The following UNC5D variants were observed in gnomAD, a reference collection of about 807,000 sequenced individuals.
UNC5D encodes netrin receptor UNC5D.
UNC5D carries 39 observed loss-of-function variants against 105.4 expected under a neutral mutation model. That is an observed-to-expected ratio of 0.37 (90% CI 0.29 to 0.48). UNC5D has a LOEUF of 0.48. Among genes scored for constraint, UNC5D ranks in the 20% least tolerant of loss-of-function variants. The pLI is 0.98. For missense variants in UNC5D, 991 were observed against 1,202.4 expected (o/e 0.82, Z 2.60); for synonymous variants, 452 against 450.4 (o/e 1.00, Z -0.04).
intron 1 of UNC5D, among the ~76,000 whole-genome samples, chr8:35,238,628 CTTG>C (rs753380495): frequency 1.3e-5 from 2 of 152,056 alleles, no homozygotes; most frequent in African/African-American, 2.4e-5. Context: ...TGTTCATCTG[CTTG>C]TTATTTTTGC....
intron 1 of UNC5D, among the ~76,000 whole-genome samples, chr8:35,506,236 T>C (rs1812297707): frequency 6.6e-6 from 1 of 152,210 alleles, no homozygotes; most frequent in Non-Finnish European, 1.5e-5. Context: ...ATAGCTGCGG[T>C]AGCTTCTGCC....
chr8:35,646,337 G>C (rs1823049683), intron 4 of UNC5D, among the ~76,000 whole-genome samples: 1 of 152,072 alleles, frequency 6.6e-6, no homozygotes, highest in Non-Finnish European at 1.5e-5. Flanking sequence ...ACTCAAGAAA[G>C]ACGTTTATGG....
Position 35,684,755 on chromosome 8 carries a change from A to AT in UNC5D, c.919+7dup. 6.2e-7 allele frequency: 1 copy of AT among 1,604,474 alleles called. No individual in the cohort carries two copies. The highest frequency in any genetic ancestry group is 8.5e-7 in the Non-Finnish European group (1 of 1,175,184). ...CTGCACTTCTCTTTGTCCTGGTGAG[A>AT]TATATGCAGATTCCCTTTTCCCTTC... is the stretch of plus-strand genomic sequence containing the variant. On this transcript the variant is annotated splice_region_variant and intron_variant, in intron 6 of 16. Coordinates refer to ENST00000404895, the MANE Select transcript of UNC5D (RefSeq NM_080872.4).
At chr8:35,592,770 C>G (rs937916620) in intron 3 of UNC5D, among the ~76,000 whole-genome samples, 1 of 152,060 alleles carries the variant, frequency 6.6e-6, no homozygotes, top group Non-Finnish European at 1.5e-5. Context: ...CGGCCTGTTA[C>G]CACTGTTGGA....
intron 3 of UNC5D, among the ~76,000 whole-genome samples, chr8:35,583,767 G>A (rs757134352): frequency 6.6e-6 from 1 of 152,172 alleles, no homozygotes; most frequent in Non-Finnish European, 1.5e-5. Flanking sequence ...GTTGAAGATT[G>A]TTAATATCTC....
intron 1 of UNC5D, among the ~76,000 whole-genome samples, chr8:35,412,234 T>C (rs553359251): frequency 1.3e-5 from 2 of 152,152 alleles, no homozygotes; most frequent in East Asian, 1.9e-4. Context: ...GAACCCTCCA[T>C]TGGGCACCAG....
At chr8:35,601,034 C>G (rs1203486036) in intron 4 of UNC5D, among the ~76,000 whole-genome samples, 1 of 152,072 alleles carries the variant, frequency 6.6e-6, no homozygotes, top group Non-Finnish European at 1.5e-5. Context: ...CCAGTTTTCC[C>G]AGCACCATTT....
At chr8:35,767,970 C>A (rs1801846172) in intron 15 of UNC5D, among the ~76,000 whole-genome samples, 1 of 150,648 alleles carries the variant, frequency 6.6e-6, no homozygotes, top group Non-Finnish European at 1.5e-5. Flanking sequence ...TGTAGGGAAA[C>A]ATACATTTTT....
chr8:35,357,535 G>A (rs1022330717), intron 1 of UNC5D, among the ~76,000 whole-genome samples: 8 of 152,102 alleles, frequency 5.3e-5, no homozygotes, highest in Admixed American at 4.6e-4. Context: ...CTAATTTTGT[G>A]CAGTCTCATT....
chr8:35,595,470 A>T, intron 3 of UNC5D, 84 bp from the exon 4 acceptor site: 1 of 1,136,020 alleles, frequency 8.8e-7, no homozygotes, highest in Non-Finnish European at 1.3e-6. Flanking sequence ...TTGTGATATT[A>T]AGCTCACTTT....
intron 1 of UNC5D, among the ~76,000 whole-genome samples, chr8:35,293,917 C>T (rs770948481): frequency 7.9e-5 from 12 of 152,094 alleles, no homozygotes; most frequent in Non-Finnish European, 1.2e-4. Context: ...TTTGGGAGTA[C>T]GTAGGCTACT....
chr8:35,494,867 T>C (rs1384516127), intron 1 of UNC5D, among the ~76,000 whole-genome samples: 1 of 152,218 alleles, frequency 6.6e-6, no homozygotes, highest in Non-Finnish European at 1.5e-5. Flanking sequence ...ATACTTTTGT[T>C]TTTTTAACTA....
rs1674792131 is a variant in UNC5D at position 35,323,079 on chromosome 8, A to G, written c.103+87192A>G. 2.0e-5 allele frequency among the ~76,000 whole-genome samples: 3 copies of G among 152,146 alleles called. No individual in the cohort carries two copies. The South Asian group carries it at 6.2e-4, about 32-fold the overall frequency. ...ATTGAGTCAGGCAATATTTAGGTGA[A>G]AAGGTAAACTAGTACACCTACCAGA... On this transcript the variant is annotated intron_variant, in intron 1 of 16. Coordinates refer to ENST00000404895, the MANE Select transcript of UNC5D (RefSeq NM_080872.4).
chr8:35,308,397 G>A (rs1040890258), intron 1 of UNC5D, among the ~76,000 whole-genome samples: 10 of 152,020 alleles, frequency 6.6e-5, no homozygotes, highest in African/African-American at 2.4e-4. Context: ...CATGACCACA[G>A]TCCTGGGTTA....
intron 13 of UNC5D, among the ~76,000 whole-genome samples, chr8:35,753,056 G>C (rs1159168664): frequency 6.6e-6 from 1 of 152,130 alleles, no homozygotes; most frequent in African/African-American, 2.4e-5. Flanking sequence ...GTGACTTTCA[G>C]ATCATCTATT....
rs550612845 is a variant in UNC5D at position 35,504,221 on chromosome 8, A to G, written c.104-45071A>G. ...ATGGCACCAGCTGGATACCTGGGTAAATCCTGGATCAGCCCTGACCTGCCG... is the reference window on the plus strand; with the variant it reads ...ATGGCACCAGCTGGATACCTGGGTAGATCCTGGATCAGCCCTGACCTGCCG... On this transcript the variant is annotated intron_variant, in intron 1 of 16. Coordinates refer to ENST00000404895, the MANE Select transcript of UNC5D (RefSeq NM_080872.4). Among the ~76,000 whole-genome samples, 32 of 152,300 alleles carry G rather than the reference A, an allele frequency of 2.1e-4. 1 individual carries two copies. The South Asian group carries it at 6.6e-3, about 32-fold the overall frequency.
intron 2 of UNC5D, among the ~76,000 whole-genome samples, chr8:35,557,573 GCT>G (rs1816642368): frequency 6.6e-6 from 1 of 152,084 alleles, no homozygotes; most frequent in South Asian, 2.1e-4. Context: ...AGACATCTAA[GCT>G]CTCTCAAGAT....
intron 1 of UNC5D, among the ~76,000 whole-genome samples, chr8:35,396,722 T>A (rs554574396): frequency 6.6e-6 from 1 of 151,920 alleles, no homozygotes; most frequent in Non-Finnish European, 1.5e-5. Flanking sequence ...GGTCTTGAAC[T>A]CCTGACCTCA....
intron 1 of UNC5D, among the ~76,000 whole-genome samples, chr8:35,334,730 T>C (rs967930465): frequency 6.6e-6 from 1 of 152,114 alleles, no homozygotes; most frequent in Non-Finnish European, 1.5e-5. Context: ...GCAAGGATGG[T>C]CTCGAACTCC....
Sources: gnomAD v4.1 joint callset for allele counts (sites outside exome capture counted in the v4.1 genomes callset) on GRCh38, gnomAD v4.1.1 for gene constraint, MANE v1.5 for transcripts, NCBI Gene and HGNC (gene_info 2026-07-23, HGNC 2026-07-21) for gene names.